C1orf167: variants seen among roughly 807,000 people sequenced by gnomAD.
The protein encoded by C1orf167 is chromosome 1 open reading frame 167, also known as uncharacterized protein C1orf167.
C1orf167 carries 153 observed loss-of-function variants against 176.5 expected under a neutral mutation model. The ratio of observed to expected loss-of-function variants is 0.87; its 90% CI spans 0.76 to 0.99. C1orf167 has a LOEUF of 0.99. C1orf167 is among the 50% of genes least tolerant of loss of function. C1orf167 has a pLI of 0.00. For missense variants in C1orf167, 1,490 were observed against 1,817.7 expected (o/e 0.82, Z 3.28); for synonymous variants, 594 against 752.7 (o/e 0.79, Z 3.45).
chr1:11,785,081 G>GC, intron 15 of C1orf167, 67 bp from the exon 16 acceptor site: 1 of 1,173,532 alleles, frequency 8.5e-7, no homozygotes, highest in South Asian at 1.5e-5. Flanking sequence ...GCAGGGCACT[G>GC]GGGGGGCTCC....
chr1:11,766,552 T>A lies in C1orf167; in HGVS notation c.766T>A (p.Cys256Ser). ...GGCGCAGGAGGCAGCCCGACTCAGGTGCCAGGCTCCCCAGGAACCCCCCGG... is the reference window on the plus strand; with the variant it reads ...GGCGCAGGAGGCAGCCCGACTCAGGAGCCAGGCTCCCCAGGAACCCCCCGG... ...CLAQEAARLRCQAPQEPPGAV... is the reference protein window; with the variant it reads ...CLAQEAARLRSQAPQEPPGAV... The change falls in exon 3 of 21, where the codon TGC becomes AGC. Residue 256 changes from cysteine (C) to serine (S), a missense_variant. Transcript: ENST00000688073. The surrounding 1 kb of genome is among the most constrained non-coding windows in gnomAD (Gnocchi z 4.5). 1 of 1,244,718 alleles carries A rather than the reference T, an allele frequency of 8.0e-7. No homozygotes were observed. Among genetic ancestry groups the A allele is most frequent in the Non-Finnish European group, 1.0e-6 (1 of 965,602 alleles). The allele number at this position is 1,244,718 out of a possible 1,614,324, so 77.1% of individuals were successfully genotyped here.
In C1orf167 at chr1:11,784,219, C is replaced by T. The variant is rs780783299; in HGVS notation, c.3051C>T (p.Leu1017=). The T allele has an allele frequency of 1.7e-5, 22 of 1,278,532 alleles. No individual in the cohort carries two copies. The highest frequency in any genetic ancestry group is 2.3e-5 in the Non-Finnish European group (22 of 975,160). The allele number at this position is 1,278,532 out of a possible 1,614,324, so 79.2% of individuals were successfully genotyped here. ...AGGTTGTAAGAGACACGGGGGTGCT[C>T]CGGGCCCAGCATCAAGCCTTTCAGG... ...WCEVVRDTGV[L]RAQHQAFQDG... The change falls in exon 15 of 21, where the codon CTC becomes CTT. Residue 1017 remains leucine, a synonymous_variant. Coordinates refer to ENST00000688073, the MANE Select transcript of C1orf167 (RefSeq NM_001010881.2).
At chr1:11,778,461 T>A (rs1325443811) in intron 10 of C1orf167, among the ~76,000 whole-genome samples, 199 bp from the exon 11 acceptor site, 1 of 152,192 alleles carries the variant, frequency 6.6e-6, no homozygotes, top group East Asian at 1.9e-4. Context: ...CATCGGTACC[T>A]CTTGAAGCCC....
At chr1:11,767,319 G>A (rs1642850631) in intron 4 of C1orf167, 55 bp downstream of exon 4, 1 of 1,250,304 alleles carries the variant, frequency 8.0e-7, no homozygotes, top group African/African-American at 1.5e-5. Flanking sequence ...ACGTGCTCAG[G>A]ACTCCGCTCC....
chr1:11,789,457 T>G lies in C1orf167; in HGVS notation c.*11T>G. 7.7e-7 allele frequency: 1 copy of G among 1,302,374 alleles called. No individual in the cohort carries two copies. The highest frequency in any genetic ancestry group is 5.6e-5 in the East Asian group (1 of 17,988). The allele number at this position is 1,302,374 out of a possible 1,614,324, so 80.7% of individuals were successfully genotyped here. On this transcript the variant is annotated 3_prime_UTR_variant, in exon 21 of 21. Coordinates refer to ENST00000688073, the MANE Select transcript of C1orf167 (RefSeq NM_001010881.2). ...CAGCTGCAGCTGTGACTTGTTCTCA[T>G]AGAATAAAAAACAGAACTGAACTTA...
chr1:11,765,924 G>A lies in C1orf167; in HGVS notation c.138G>A (p.Gly46=). ...GTAGACATGACCAGTGGGTGCCCGG[G>A]TGCCAGGTGGAGAGGGGAGGGCCTG... The part of the protein sequence containing the change: ...LSGRHDQWVP[G]CQVERGGPAA... Residue 46 remains glycine (G), a synonymous_variant, in exon 3 of 21, where the codon GGG becomes GGA. Transcript: ENST00000688073. 2 of 1,238,722 alleles carry A rather than the reference G, an allele frequency of 1.6e-6. No homozygotes were observed. Among genetic ancestry groups the A allele is most frequent in the Non-Finnish European group, 2.1e-6 (2 of 964,100 alleles). 76.7% of individuals were successfully genotyped at this position (1,238,722 alleles called of 1,614,324 possible).
intron 14 of C1orf167, among the ~76,000 whole-genome samples, chr1:11,783,947 T>G (rs1570431436): frequency 6.6e-6 from 1 of 152,204 alleles, no homozygotes; most frequent in East Asian, 1.9e-4. Flanking sequence ...AACCTCTGCC[T>G]CCTGGGTTCA....
rs771218909 is a variant in C1orf167, at chr1:11,764,455, G to C, written c.55G>C (p.Ala19Pro). 7.8e-7 allele frequency: 1 copy of C among 1,289,328 alleles called. No individual in the cohort carries two copies. Among genetic ancestry groups the C allele is most frequent in the Non-Finnish European group, 1.0e-6 (1 of 988,880 alleles). 79.9% of individuals were successfully genotyped at this position (1,289,328 alleles called of 1,614,324 possible). Reference sequence around the variant, plus strand: ...GGAGAATGTGTCCCCAAAGCCTGCAGCGCTCCCGAAGCCAGGCAAGAGGCT... The same window carrying C: ...GGAGAATGTGTCCCCAAAGCCTGCACCGCTCCCGAAGCCAGGCAAGAGGCT... ...HKENVSPKPA[A>P]LPKPEQRRFR... The change falls in exon 2 of 21, where the codon GCG becomes CCG. Residue 19 changes from alanine (A) to proline (P), a missense_variant. Coordinates refer to ENST00000688073, the MANE Select transcript of C1orf167 (RefSeq NM_001010881.2).
In C1orf167 at chr1:11,771,630, C is replaced by G. The variant is rs773802056; in HGVS notation, c.1804C>G (p.Leu602Val). 8 of 1,289,694 alleles carry G rather than the reference C, an allele frequency of 6.2e-6. No individual in the cohort carries two copies. In the East Asian group the frequency reaches 1.7e-4, roughly 27 times the overall value. 79.9% of individuals were successfully genotyped at this position (1,289,694 alleles called of 1,614,324 possible). Residue 602 changes from leucine to valine, a missense_variant, in exon 7 of 21, where the codon CTG (leucine) becomes GTG (valine). Physicochemically the swap from Leu to Val is conservative, Grantham distance 32. Coordinates refer to ENST00000688073, the MANE Select transcript of C1orf167 (RefSeq NM_001010881.2). ...ERVQILQALQ[L>V]AVFFLWCQQK... ...AGTCCAGATCCTGCAGGCCCTGCAACTGGCTGGTGAGACGTGGGGTGCTGG... is the reference window on the plus strand; with the variant it reads ...AGTCCAGATCCTGCAGGCCCTGCAAGTGGCTGGTGAGACGTGGGGTGCTGG...
chr1:11,789,312 A>G lies in C1orf167; in HGVS notation c.4216A>G (p.Arg1406Gly). The G allele has an allele frequency of 7.7e-7, 1 of 1,303,988 alleles. No homozygotes were observed. The highest frequency in any genetic ancestry group is 1.0e-6 in the Non-Finnish European group (1 of 988,904). 80.8% of individuals were successfully genotyped at this position (1,303,988 alleles called of 1,614,324 possible). Residue 1406 changes from arginine to glycine, a missense_variant, in exon 21 of 21, where the codon AGG becomes GGG. Transcript: ENST00000688073. ...CCAACGCCTGGCAGCCAGGAGCCCA[A>G]GGAGAGGAGCTGCCAGTAGCCCAAG... ...WHQRLAARSP[R>G]RGAASSPRPW...
In C1orf167 at chr1:11,775,502, C is replaced by G; in HGVS notation, c.2056C>G (p.Arg686Gly). ...GTACCGAGACCACCTGGCTGACCGC[C>G]GGACGGGGACCCTGAGGAAATGCCT... Reference protein sequence around the residue: ...SRYRDHLADRRTGTLRKCLEQ... With the variant: ...SRYRDHLADRGTGTLRKCLEQ... Residue 686 changes from arginine (R) to glycine (G), a missense_variant, in exon 9 of 21, where the codon CGG becomes GGG. Physicochemically the swap from Arg to Gly is moderately radical, Grantham distance 125. Transcript: ENST00000688073. 1 of 1,304,192 alleles carries G rather than the reference C, an allele frequency of 7.7e-7. No individual in the cohort carries two copies. Among genetic ancestry groups the G allele is most frequent in the South Asian group, 1.2e-5 (1 of 81,014 alleles). 80.8% of individuals were successfully genotyped at this position (1,304,192 alleles called of 1,614,324 possible).
chr1:11,775,013 G>A (rs113980419), intron 8 of C1orf167, among the ~76,000 whole-genome samples: 15,749 of 152,160 alleles, frequency 0.1, 881 homozygotes, highest in South Asian at 0.19. Context: ...GGCCAGACGC[G>A]GTGGCTCAAG....
chr1:11,775,922 C>T (rs1039274647), intron 9 of C1orf167, among the ~76,000 whole-genome samples: 5 of 152,204 alleles, frequency 3.3e-5, no homozygotes, highest in African/African-American at 9.7e-5. Context: ...TTGGGAAGCT[C>T]CTGGTGTGAT....
At chr1:11,789,117 C>A in intron 20 of C1orf167, 153 bp from the exon 21 acceptor site, 1 of 632,648 alleles carries the variant, frequency 1.6e-6, no homozygotes, top group Non-Finnish European at 2.4e-6. Context: ...TGAGCTTGTG[C>A]ATTTGGCCTA....
intron 6 of C1orf167, among the ~76,000 whole-genome samples, chr1:11,770,972 T>TTGTGTG (rs753081071): frequency 0.037 from 2,922 of 78,408 alleles, 116 homozygotes; most frequent in African/African-American, 0.11. Flanking sequence ...ACTGGCTAAT[T>TTGTGTG]TGTGTGTGTG....
intron 20 of C1orf167, 99 bp from the exon 21 acceptor site, chr1:11,789,171 G>A: frequency 1.7e-6 from 2 of 1,150,290 alleles, no homozygotes; most frequent in East Asian, 5.9e-5. Flanking sequence ...GGGGCCCTGG[G>A]GACAAAAGGA....
At chr1:11,776,361 G>T in intron 9 of C1orf167, 103 bp from the exon 10 acceptor site, 3 of 1,076,216 alleles carry the variant, frequency 2.8e-6, no homozygotes, top group Non-Finnish European at 2.4e-6. Context: ...CGGGACAAGA[G>T]GGGAGAGCTC....
chr1:11,782,399 C>A (rs1643641859), intron 14 of C1orf167, 66 bp downstream of exon 14: 5 of 1,143,906 alleles, frequency 4.4e-6, no homozygotes, highest in Non-Finnish European at 5.5e-6. Context: ...GGAGAGCACC[C>A]AGGGGGTGGG....
At position 11,766,932 on chromosome 1, in the gene C1orf167, C is replaced by T. The variant is rs776772142; in HGVS notation, c.1146C>T (p.Thr382=). 2.1e-5 allele frequency: 26 copies of T among 1,214,738 alleles called. No homozygotes were observed. Among genetic ancestry groups the T allele is most frequent in the Admixed American group, 5.9e-5 (2 of 33,936 alleles). 75.2% of individuals were successfully genotyped at this position (1,214,738 alleles called of 1,614,324 possible). ...SLPRGVGSRG[T]DPCSSAFSNT... ...CTCGAGGGGTGGGAAGCAGGGGGAC[C>T]GACCCCTGTTCCTCAGCCTTCTCCA... is the stretch of plus-strand genomic sequence containing the variant. Residue 382 remains threonine (T), a synonymous_variant, in exon 3 of 21, where the codon ACC becomes ACT. Transcript: ENST00000688073. This position sits in a 1 kb window ranked among gnomAD's most constrained non-coding sequence, Gnocchi z 4.5.
Sources: allele counts gnomAD v4.1 joint callset (sites outside exome capture counted in the v4.1 genomes callset), GRCh38; gene constraint gnomAD v4.1.1; non-coding constraint Gnocchi (gnomAD v3.1); transcripts MANE v1.5; gene names NCBI Gene and HGNC (gene_info 2026-07-23, HGNC 2026-07-21).